SUGP1: variants seen among roughly 807,000 people sequenced by gnomAD.
The protein encoded by SUGP1 is SURP and G-patch domain-containing protein 1.
SUGP1 carries 34 observed loss-of-function variants against 76.5 expected under a neutral mutation model. The observed-to-expected ratio is 0.44, with a 90% CI of 0.34 to 0.59. The LOEUF (loss-of-function observed/expected upper bound fraction) is 0.59, where lower values mean the gene tolerates loss of function less well. Ranked by LOEUF, SUGP1 falls within the 20% of genes least tolerant of loss-of-function variation. The pLI is 0.01. For missense variants in SUGP1, 752 were observed against 851.7 expected, an observed-to-expected ratio of 0.88 and a Z score of 1.46; for synonymous variants, 326 against 326.2, an observed-to-expected ratio of 1.00 and a Z score of 0.01.
chr19:19,303,935 G>C, intron 4 of SUGP1, 88 bp from the exon 5 acceptor site: 2 of 1,603,406 alleles, frequency 1.2e-6, no homozygotes, highest in Non-Finnish European at 1.7e-6. Flanking sequence ...ACGACAGAGG[G>C]GGTGGGGGGA....
intron 7 of SUGP1, 83 bp from the exon 8 acceptor site, chr19:19,297,427 G>GGGCAGGAGCAGTTCTGGCCTTC: frequency 1.2e-6 from 1 of 853,870 alleles, no homozygotes; most frequent in Non-Finnish European, 1.7e-6. Context: ...TTCTGGCCTT[G>GGGCAGGAGCAGTTCTGGCCTTC]TGTGCCCACG....
Position 19,305,870 on chromosome 19 carries a change from C to T in SUGP1, c.517G>A (p.Glu173Lys), listed in dbSNP as rs759906189. ...TTACCTTTGATCTCCAGCCACTGCT[C>T]ATAGTCCTCCTCCTCGTCCTCGTCA... Reference protein sequence around the residue: ...SPDEDEEEDYEQWLEIKVSPP... With the variant: ...SPDEDEEEDYKQWLEIKVSPP... The change falls in exon 4 of 14, where the codon GAG becomes AAG. Residue 173 changes from glutamate (E) to lysine (K), a missense_variant. This residue lies in a region of SUGP1 where 620 missense variants were observed against 617.3 expected (regional missense o/e 1.00). Coordinates refer to ENST00000247001, the MANE Select transcript of SUGP1 (RefSeq NM_172231.4). 11 of 1,611,246 alleles carry T rather than the reference C, an allele frequency of 6.8e-6. No individual in the cohort carries two copies. Among genetic ancestry groups the T allele is most frequent in the Non-Finnish European group, 9.3e-6 (11 of 1,178,306 alleles).
At position 19,277,091 on chromosome 19, in the gene SUGP1, G is replaced by A. The variant is rs769953041; in HGVS notation, c.1782-15C>T. 2 of 1,604,130 alleles carry A rather than the reference G, an allele frequency of 1.2e-6. No individual in the cohort carries two copies. Among genetic ancestry groups the A allele is most frequent in the Non-Finnish European group, 1.7e-6 (2 of 1,178,124 alleles). On this transcript the variant is annotated splice_polypyrimidine_tract_variant and intron_variant, in intron 12 of 13. Transcript: ENST00000247001. Reference sequence around the variant, plus strand: ...TGGTGGTGCCCCTACAGGGAGAAGAGGATGTGAGCAGGGACCTGGGGCCAG... The same window carrying A: ...TGGTGGTGCCCCTACAGGGAGAAGAAGATGTGAGCAGGGACCTGGGGCCAG...
chr19:19,303,585 C>A (rs2061290140), intron 5 of SUGP1, 137 bp from the exon 6 acceptor site: 23 of 1,350,818 alleles, frequency 1.7e-5, no homozygotes, highest in Non-Finnish European at 2.4e-5. Flanking sequence ...CACATGGGAG[C>A]CACTTGTCAC....
At chr19:19,277,429 A>C (rs1012965421) in intron 12 of SUGP1, among the ~76,000 whole-genome samples, 10 of 152,138 alleles carry the variant, frequency 6.6e-5, no homozygotes, top group Non-Finnish European at 1.3e-4. Context: ...TTTCGCACTC[A>C]TGGGGAATTC....
intron 8 of SUGP1, among the ~76,000 whole-genome samples, chr19:19,284,651 A>G (rs1357016117): frequency 6.6e-6 from 1 of 152,216 alleles, no homozygotes; most frequent in Non-Finnish European, 1.5e-5. Flanking sequence ...AAGCAAAGTC[A>G]CTATATGACA....
In SUGP1 at chr19:19,277,721, A is replaced by C. The variant is rs1197333663; in HGVS notation, c.1781+13T>G. 2 of 1,613,042 alleles carry C rather than the reference A, an allele frequency of 1.2e-6. No individual in the cohort carries two copies. Among genetic ancestry groups the C allele is most frequent in the South Asian group, 2.2e-5 (2 of 91,044 alleles). ...AAGTTCATGGCCATGCCCTCCCACA[A>C]GGCCACACTCACTTGTTCACTGGGT... On this transcript the variant is annotated intron_variant, in intron 12 of 13. Coordinates refer to ENST00000247001, the MANE Select transcript of SUGP1 (RefSeq NM_172231.4).
At chr19:19,298,377 A>G (rs1340597818) in intron 7 of SUGP1, among the ~76,000 whole-genome samples, 1 of 152,216 alleles carries the variant, frequency 6.6e-6, no homozygotes, top group South Asian at 2.1e-4. Flanking sequence ...ACACGCCTGT[A>G]GTCCCAACTG....
At chr19:19,319,040 ATACCCCGTCTC>A (rs60341551) in intron 1 of SUGP1, among the ~76,000 whole-genome samples, 22,980 of 151,974 alleles carry the variant, frequency 0.15, 1,849 homozygotes, top group Middle Eastern at 0.27. Context: ...CAACATGGTG[ATACCCCGTCTC>A]TACTAAAAAT....
chr19:19,319,882 G>A (rs1193123381), intron 1 of SUGP1, among the ~76,000 whole-genome samples: 1 of 152,028 alleles, frequency 6.6e-6, no homozygotes, highest in Admixed American at 6.6e-5. Context: ...CTCCAGGAAG[G>A]CAGGGCCCTG....
intron 2 of SUGP1, among the ~76,000 whole-genome samples, chr19:19,313,660 G>C (rs1249172960): frequency 6.6e-6 from 1 of 152,110 alleles, no homozygotes; most frequent in Non-Finnish European, 1.5e-5. Context: ...AGTGAGCTAT[G>C]ATAGTGCCAC....
intron 8 of SUGP1, among the ~76,000 whole-genome samples, chr19:19,291,889 TCA>T (rs541521385): frequency 0.029 from 3,780 of 128,614 alleles, 104 homozygotes; most frequent in African/African-American, 0.074. Flanking sequence ...TGAGACTCTG[TCA>T]CACACACACA....
chr19:19,279,128 C>T (rs768622892), intron 10 of SUGP1, 85 bp downstream of exon 10: 30 of 1,401,174 alleles, frequency 2.1e-5, no homozygotes, highest in Non-Finnish European at 2.8e-5. Flanking sequence ...CTCAAGACCA[C>T]GTGTGGCGCA....
chr19:19,316,706 TTC>T (rs1259614481), intron 1 of SUGP1, 113 bp from the exon 2 acceptor site: 2 of 1,163,640 alleles, frequency 1.7e-6, no homozygotes, highest in Non-Finnish European at 2.4e-6. Context: ...TGTCTATTAG[TTC>T]ATTTATTCAG....
At chr19:19,314,997 G>A (rs931699565) in intron 2 of SUGP1, among the ~76,000 whole-genome samples, 6 of 151,850 alleles carry the variant, frequency 4.0e-5, no homozygotes, top group Admixed American at 2.6e-4. Flanking sequence ...TCGTGCCACT[G>A]CACTCTAGCC....
intron 2 of SUGP1, among the ~76,000 whole-genome samples, chr19:19,310,917 A>G (rs1260012417): frequency 6.6e-6 from 1 of 152,128 alleles, no homozygotes; most frequent in Non-Finnish European, 1.5e-5. Flanking sequence ...TGTTGGGATT[A>G]CAGGTGTGAG....
chr19:19,315,069 C>T (rs897157392), intron 2 of SUGP1, among the ~76,000 whole-genome samples: 1 of 152,140 alleles, frequency 6.6e-6, no homozygotes, highest in Non-Finnish European at 1.5e-5. Context: ...CAGTGGCTCA[C>T]ACCTGTAATC....
chr19:19,305,727 TG>T, intron 4 of SUGP1, 121 bp downstream of exon 4: 1 of 948,368 alleles, frequency 1.1e-6, no homozygotes, highest in Non-Finnish European at 1.6e-6. Flanking sequence ...CTCAGAGGTC[TG>T]GTGGCTGCAA....
At chr19:19,319,121 C>G (rs1328669940) in intron 1 of SUGP1, among the ~76,000 whole-genome samples, 1 of 152,156 alleles carries the variant, frequency 6.6e-6, no homozygotes, top group East Asian at 1.9e-4. Context: ...ACTCAGGAGG[C>G]TGAGGCAGAA....
Sources: allele counts gnomAD v4.1 joint callset (sites outside exome capture counted in the v4.1 genomes callset), GRCh38; gene constraint gnomAD v4.1.1; regional missense constraint gnomAD v4.1.1; transcripts MANE v1.5; gene names NCBI Gene and HGNC (gene_info 2026-07-23, HGNC 2026-07-21).